BABAM2: variants seen among roughly 807,000 people sequenced by gnomAD.
BABAM2 encodes BRISC and BRCA1-A complex member 2.
BABAM2 carries 31 observed loss-of-function variants against 54.7 expected under a neutral mutation model. The observed-to-expected ratio is 0.57, with a 90% CI of 0.43 to 0.77. The LOEUF (loss-of-function observed/expected upper bound fraction) is 0.77, where lower values mean the gene tolerates loss of function less well. Ranked by LOEUF, BABAM2 falls within the 30% of genes least tolerant of loss-of-function variation. The pLI is 0.00. For missense variants in BABAM2, 364 were observed against 455.8 expected (o/e 0.80, Z 1.83); for synonymous variants, 167 against 162.9 (o/e 1.03, Z -0.19).
At position 28,159,394 on chromosome 2, in the gene BABAM2, A is replaced by G. The variant is rs148638797; in HGVS notation, c.680+30014A>G. Among the ~76,000 whole-genome samples, 9 of 152,322 alleles carry G rather than the reference A, an allele frequency of 5.9e-5. No homozygotes were observed. In the East Asian group the frequency reaches 1.2e-3, roughly 20 times the overall value. On this transcript the variant is annotated intron_variant, in intron 7 of 11. Coordinates refer to ENST00000379624, the MANE Select transcript of BABAM2 (RefSeq NM_199191.3). Reference sequence around the variant, plus strand: ...GAAAGAGCTGTGAGCTCTGTCTGCTATGGAGTCCAAGAAGGACTCAAAGAA... The same window carrying G: ...GAAAGAGCTGTGAGCTCTGTCTGCTGTGGAGTCCAAGAAGGACTCAAAGAA...
intron 7 of BABAM2, among the ~76,000 whole-genome samples, chr2:28,137,209 TA>T (rs1670625044): frequency 6.6e-6 from 1 of 152,228 alleles, no homozygotes; most frequent in African/African-American, 2.4e-5. Context: ...AACGTAATAG[TA>T]AACATGGTTT....
At chr2:28,177,990 G>C (rs1675197766) in intron 7 of BABAM2, among the ~76,000 whole-genome samples, 1 of 152,072 alleles carries the variant, frequency 6.6e-6, no homozygotes, top group Admixed American at 6.5e-5. Flanking sequence ...AGCACCCAGA[G>C]TTATAAAGCA....
intron 6 of BABAM2, among the ~76,000 whole-genome samples, chr2:28,122,406 C>T (rs1300495613): frequency 3.3e-5 from 5 of 152,074 alleles, no homozygotes; most frequent in African/African-American, 1.2e-4. Context: ...GTGTTTAAGG[C>T]CAGCAAACAA....
At chr2:28,271,388 G>T (rs1685418074) in intron 10 of BABAM2, among the ~76,000 whole-genome samples, 1 of 152,136 alleles carries the variant, frequency 6.6e-6, no homozygotes, top group Admixed American at 6.5e-5. Context: ...CAGCCAGTCA[G>T]TGAACCAACA....
At chr2:27,907,984 T>C (rs1386373634) in intron 2 of BABAM2, among the ~76,000 whole-genome samples, 4 of 152,248 alleles carry the variant, frequency 2.6e-5, no homozygotes, top group Non-Finnish European at 5.9e-5. Flanking sequence ...AATATGGGTG[T>C]ACAAATACCT....
intron 7 of BABAM2, among the ~76,000 whole-genome samples, chr2:28,139,749 C>A (rs1476816375): frequency 6.6e-6 from 1 of 152,186 alleles, no homozygotes; most frequent in Non-Finnish European, 1.5e-5. Flanking sequence ...GAATGACATA[C>A]TAGAGATATT....
intron 10 of BABAM2, among the ~76,000 whole-genome samples, chr2:28,279,586 G>A (rs1165681224): frequency 6.6e-6 from 1 of 150,478 alleles, no homozygotes; most frequent in African/African-American, 2.5e-5. Context: ...GCTTCATCTC[G>A]AAATCCCCAA....
At chr2:28,318,798 G>A (rs767709523) in intron 11 of BABAM2, among the ~76,000 whole-genome samples, 16 of 152,190 alleles carry the variant, frequency 1.1e-4, no homozygotes, top group Non-Finnish European at 1.9e-4. Context: ...TAATCTGACT[G>A]TCTTCAGTGG....
At chr2:28,198,994 T>C (rs935229761) in intron 7 of BABAM2, among the ~76,000 whole-genome samples, 1 of 152,222 alleles carries the variant, frequency 6.6e-6, no homozygotes, top group Non-Finnish European at 1.5e-5. Context: ...ATGAAGAGTA[T>C]GGTAATTTAC....
At chr2:28,083,241 G>GA (rs1251949796) in intron 6 of BABAM2, among the ~76,000 whole-genome samples, 1 of 152,116 alleles carries the variant, frequency 6.6e-6, no homozygotes, top group Non-Finnish European at 1.5e-5. Flanking sequence ...AGCTAGATCT[G>GA]TGCCTTCAGT....
intron 11 of BABAM2, among the ~76,000 whole-genome samples, chr2:28,306,993 G>GC (rs755295248): frequency 1.7e-4 from 16 of 95,156 alleles, no homozygotes; most frequent in Non-Finnish European, 3.4e-4. Flanking sequence ...ACCACACCTG[G>GC]CCTTTTTTTT....
chr2:28,009,303 G>A (rs1674218113), intron 4 of BABAM2, among the ~76,000 whole-genome samples: 4 of 152,168 alleles, frequency 2.6e-5, no homozygotes, highest in Admixed American at 2.6e-4. Context: ...GATAGCCAGT[G>A]TGGAAGCTAG....
At chr2:27,927,211 G>A (rs758401765) in intron 2 of BABAM2, among the ~76,000 whole-genome samples, 2 of 152,160 alleles carry the variant, frequency 1.3e-5, no homozygotes, top group Admixed American at 6.5e-5. Flanking sequence ...ATAATAAAAA[G>A]TGTGGCCCAA....
chr2:28,129,427 C>T (rs750735259), intron 7 of BABAM2, 47 bp downstream of exon 7: 20 of 1,428,034 alleles, frequency 1.4e-5, no homozygotes, highest in Non-Finnish European at 2.0e-5. Flanking sequence ...TCTTGCTAAC[C>T]AATATGTCTC....
At chr2:28,228,438 A>G (rs1218508457) in intron 7 of BABAM2, among the ~76,000 whole-genome samples, 1 of 151,978 alleles carries the variant, frequency 6.6e-6, no homozygotes, top group Admixed American at 6.6e-5. Context: ...TATTGTATGC[A>G]CTGTTTTTTT....
intron 7 of BABAM2, among the ~76,000 whole-genome samples, chr2:28,183,753 A>ACACACACG (rs1675917092): frequency 6.6e-6 from 1 of 151,804 alleles, no homozygotes; most frequent in South Asian, 2.1e-4. Context: ...ACACACACAC[A>ACACACACG]CACACACACA....
intron 11 of BABAM2, among the ~76,000 whole-genome samples, chr2:28,337,165 T>A (rs1691539460): frequency 6.6e-6 from 1 of 152,074 alleles, no homozygotes; most frequent in Non-Finnish European, 1.5e-5. Flanking sequence ...TGTGTGGGTG[T>A]CGGTGGGGCA....
intron 10 of BABAM2, among the ~76,000 whole-genome samples, chr2:28,276,163 A>G (rs1685862411): frequency 6.6e-6 from 1 of 152,176 alleles, no homozygotes; most frequent in South Asian, 2.1e-4. Context: ...TTAGAGATGT[A>G]ATTTGTACTG....
intron 7 of BABAM2, among the ~76,000 whole-genome samples, chr2:28,226,823 G>C (rs1353529372): frequency 1.3e-5 from 2 of 152,072 alleles, no homozygotes; most frequent in African/African-American, 4.8e-5. Context: ...CCAGTGAGAA[G>C]TTCAGTAGGT....
Sources: gnomAD v4.1 joint callset for allele counts (sites outside exome capture counted in the v4.1 genomes callset) on GRCh38, gnomAD v4.1.1 for gene constraint, MANE v1.5 for transcripts, NCBI Gene and HGNC (gene_info 2026-07-23, HGNC 2026-07-21) for gene names.